The following CSMD1 variants were observed in gnomAD, a reference collection of about 807,000 sequenced individuals.
CSMD1 encodes the protein CUB and Sushi multiple domains 1.
In CSMD1, 213 loss-of-function variants were observed where a neutral mutation model predicts 417.5. That is an observed-to-expected ratio of 0.51 (90% CI 0.46 to 0.57). CSMD1 has a LOEUF of 0.57. Among genes scored for constraint, CSMD1 ranks in the 20% least tolerant of loss-of-function variants. The probability of loss-of-function intolerance (pLI) is 0.00; values close to 1 mark genes in which losing one functional copy is unlikely to be tolerated. For synonymous variants in CSMD1, 2,862 were observed against 1,736.8 expected (o/e 1.65, Z -16.11); for missense variants, 6,923 against 4,529.7 (o/e 1.53, Z -15.17).
At chr8:3,548,351 C>T (rs537695526) in intron 10 of CSMD1, among the ~76,000 whole-genome samples, 12 of 152,076 alleles carry the variant, frequency 7.9e-5, no homozygotes, top group Middle Eastern at 3.4e-3. Context: ...GTTACGTGAT[C>T]GAGTTCTTCA....
chr8:4,722,463 C>T (rs1413461074), intron 1 of CSMD1, among the ~76,000 whole-genome samples: 2 of 152,112 alleles, frequency 1.3e-5, no homozygotes, highest in African/African-American at 2.4e-5. Flanking sequence ...TTTTGTACTG[C>T]AGTCTGAAGT....
chr8:3,706,991 T>C (rs1043958897), intron 7 of CSMD1, among the ~76,000 whole-genome samples: 1 of 151,362 alleles, frequency 6.6e-6, no homozygotes, highest in Non-Finnish European at 1.5e-5. Context: ...ATTTACAGAT[T>C]GATTTTTTTT....
At chr8:4,419,168 C>T (rs1326652150) in intron 3 of CSMD1, among the ~76,000 whole-genome samples, 2 of 152,128 alleles carry the variant, frequency 1.3e-5, no homozygotes, top group African/African-American at 4.8e-5. Context: ...TTGGTTTACA[C>T]CCCTAACGAT....
At chr8:4,062,824 G>C (rs1478390612) in intron 3 of CSMD1, among the ~76,000 whole-genome samples, 7 of 151,768 alleles carry the variant, frequency 4.6e-5, no homozygotes, top group Admixed American at 1.3e-4. Flanking sequence ...CTGACTTTAG[G>C]TCTTTGTGTG....
chr8:3,407,633 GGAGA>G (rs1307695605), intron 14 of CSMD1, among the ~76,000 whole-genome samples: 4 of 152,070 alleles, frequency 2.6e-5, no homozygotes, highest in Non-Finnish European at 5.9e-5. Context: ...ATGGAAAACC[GGAGA>G]GAAAGAGATG....
chr8:3,537,686 T>G (rs1047407629), intron 10 of CSMD1, among the ~76,000 whole-genome samples: 2 of 152,362 alleles, frequency 1.3e-5, no homozygotes, highest in South Asian at 2.1e-4. Flanking sequence ...TACAATACTT[T>G]GTATTTGCAA....
In CSMD1 at chr8:3,975,352, A is replaced by G. The variant is rs144889428; in HGVS notation, c.818+22551T>C. 4.6e-3 allele frequency among the ~76,000 whole-genome samples: 695 copies of G among 152,316 alleles called. 6 individuals are homozygous for G. The highest frequency in any genetic ancestry group is 0.016 in the African/African-American group (673 of 41,564). ...GATGTTTGTGGACATGAACTGCAAT[A>G]TAATAATGTTATGTTTCTTTTTATG... On this transcript the variant is annotated intron_variant, in intron 5 of 69. Transcript: ENST00000635120.
chr8:3,832,682 T>C (rs76252062), intron 5 of CSMD1, among the ~76,000 whole-genome samples: 4,130 of 152,264 alleles, frequency 0.027, 76 homozygotes, highest in African/African-American at 0.051. Flanking sequence ...GTGGACACTA[T>C]AGATTCATGA....
Position 3,795,142 on chromosome 8 carries a change from TCTATCATGTACAGCTATAG to T in CSMD1, c.819-41119_819-41101del, listed in dbSNP as rs1563087110. On this transcript the variant is annotated intron_variant, in intron 5 of 69. Transcript: ENST00000635120. ...TATCTATCATGTACAGCTATAGATA[TCTATCATGTACAGCTATAG>T]ATACCTATCATGTACAGCTATAGAT... 8.7e-4 allele frequency among the ~76,000 whole-genome samples: 59 copies of T among 67,502 alleles called. 1 individual carries two copies. Among genetic ancestry groups the T allele is most frequent in the African/African-American group, 2.3e-3 (40 of 17,470 alleles). 44.3% of individuals were successfully genotyped at this position (67,502 alleles called of 152,430 possible). A position where few individuals can be genotyped will look rare whatever the true frequency, so the allele number is the denominator to read the frequency against.
intron 3 of CSMD1, among the ~76,000 whole-genome samples, chr8:4,259,853 C>T (rs1249217379): frequency 6.6e-6 from 1 of 152,134 alleles, no homozygotes; most frequent in Admixed American, 6.5e-5. Context: ...AATTCATCCA[C>T]CTTAAAATAT....
intron 6 of CSMD1, among the ~76,000 whole-genome samples, chr8:3,740,668 G>A (rs1256546682): frequency 3.9e-5 from 6 of 152,190 alleles, no homozygotes; most frequent in Admixed American, 1.3e-4. Flanking sequence ...GATTTTACGA[G>A]ATGTATTGGG....
rs114569278 is a variant in CSMD1, at chr8:4,780,889, C to T, written c.86-143331G>A. ...CCAATCTCATCCAGTTCACTGAAAA[C>T]GCTGTTCATTCATTCCTTATTGTAA... On this transcript the variant is annotated intron_variant, in intron 1 of 69. Transcript: ENST00000635120. Among the ~76,000 whole-genome samples the T allele has an allele frequency of 4.3e-3, 652 of 152,244 alleles. 4 individuals are homozygous for T. Among genetic ancestry groups the T allele is most frequent in the African/African-American group, 0.014 (599 of 41,536 alleles).
intron 2 of CSMD1, among the ~76,000 whole-genome samples, chr8:4,635,911 C>T (rs1802786692): frequency 6.6e-6 from 1 of 151,398 alleles, no homozygotes; most frequent in Non-Finnish European, 1.5e-5. Context: ...GGTAAACATG[C>T]TACTAAAAAC....
chr8:4,091,176 C>G (rs1238514597), intron 3 of CSMD1, among the ~76,000 whole-genome samples: 1 of 152,066 alleles, frequency 6.6e-6, no homozygotes, highest in African/African-American at 2.4e-5. Flanking sequence ...GGCTCGGCCT[C>G]CCAAAGTGCT....
rs372737280 is a variant in CSMD1 at position 2,974,586 on chromosome 8, C to T, written c.8605G>A (p.Val2869Ile). The change falls in exon 56 of 70, where the codon GTC becomes ATC. Residue 2869 changes from valine to isoleucine, a missense_variant. Coordinates refer to ENST00000635120, the MANE Select transcript of CSMD1 (RefSeq NM_033225.6). ...CGHPGVPANA[V>I]LTGELFTYGA... is the part of the protein sequence containing the mutation. The stretch of plus-strand genomic sequence containing the variant: ...TAGGTAAACAGCTCTCCAGTGAGGA[C>T]GGCGTTGGCAGGGACCCCTGGGTGT... The T allele has an allele frequency of 9.3e-5, 150 of 1,611,306 alleles. No individual in the cohort carries two copies. Among genetic ancestry groups the T allele is most frequent in the Non-Finnish European group, 1.1e-4 (133 of 1,178,782 alleles).
chr8:4,935,061 C>T (rs1017173394), intron 1 of CSMD1, among the ~76,000 whole-genome samples: 1 of 152,204 alleles, frequency 6.6e-6, no homozygotes, highest in Non-Finnish European at 1.5e-5. Context: ...TGCAGATAAA[C>T]TTAAAATCCC....
chr8:4,206,409 C>A (rs1407047076), intron 3 of CSMD1, among the ~76,000 whole-genome samples: 1 of 152,060 alleles, frequency 6.6e-6, no homozygotes, highest in Non-Finnish European at 1.5e-5. Context: ...CTGTTCAGTT[C>A]CCACCTATGA....
chr8:4,883,637 T>C lies in CSMD1; in HGVS notation c.85+110695A>G, dbSNP rs912420441. ...TATAATCTGTCAAGGTTAATTCATA[T>C]TGTAGCATGTATTAGTACTTTATGC... On this transcript the variant is annotated intron_variant, in intron 1 of 69. Transcript: ENST00000635120. Among the ~76,000 whole-genome samples the C allele has an allele frequency of 1.2e-4, 19 of 152,140 alleles. 1 individual carries two copies. The highest frequency in any genetic ancestry group is 4.1e-4 in the African/African-American group (17 of 41,402).
chr8:3,667,456 G>A (rs10092533), intron 7 of CSMD1, among the ~76,000 whole-genome samples: 24,169 of 151,870 alleles, frequency 0.16, 2,113 homozygotes, highest in South Asian at 0.22. Flanking sequence ...CAAGGCCTTG[G>A]GGCACTACAG....
Sources: allele counts gnomAD v4.1 joint callset (sites outside exome capture counted in the v4.1 genomes callset), GRCh38; gene constraint gnomAD v4.1.1; transcripts MANE v1.5; gene names NCBI Gene and HGNC (gene_info 2026-07-23, HGNC 2026-07-21).